Variants in SEC24D observed in about 807,000 individuals in gnomAD.
SEC24D encodes protein transport protein Sec24D.
Under a neutral mutation model 116.9 loss-of-function variants are expected in SEC24D, and 69 were observed. That is an observed-to-expected ratio of 0.59 (90% CI 0.49 to 0.72). The LOEUF is 0.72. Among genes scored for constraint, SEC24D ranks in the 30% least tolerant of loss-of-function variants. The probability of loss-of-function intolerance (pLI) is 0.00; values close to 1 mark genes in which losing one functional copy is unlikely to be tolerated. For missense variants in SEC24D, 1,131 were observed against 1,264.1 expected (o/e 0.89, Z 1.60); for synonymous variants, 405 against 442.8 (o/e 0.91, Z 1.07).
intron 8 of SEC24D, among the ~76,000 whole-genome samples, chr4:118,780,907 CTTTTTTTTTTT>C (rs143712578): frequency 3.2e-5 from 2 of 61,834 alleles, no homozygotes; most frequent in African/African-American, 6.1e-5. Context: ...GCAACCCCTG[CTTTTTTTTTTT>C]TTTTTTTTTT....
chr4:118,804,893 CA>C (rs1448125733), intron 7 of SEC24D, among the ~76,000 whole-genome samples: 9 of 133,234 alleles, frequency 6.8e-5, no homozygotes, highest in African/African-American at 2.5e-4. Flanking sequence ...CATACACACA[CA>C]CACACACACA....
At chr4:118,793,253 G>A (rs935564672) in intron 8 of SEC24D, among the ~76,000 whole-genome samples, 18 of 151,842 alleles carry the variant, frequency 1.2e-4, no homozygotes, top group Non-Finnish European at 2.1e-4. Flanking sequence ...GGATCACGAG[G>A]TCAGGAGATA....
chr4:118,764,636 T>C (rs1333136290), intron 10 of SEC24D, 166 bp downstream of exon 10: 3 of 511,418 alleles, frequency 5.9e-6, no homozygotes, highest in African/African-American at 5.8e-5. Context: ...AGTTGAATCA[T>C]GTTAACAACC....
intron 19 of SEC24D, among the ~76,000 whole-genome samples, chr4:118,737,526 CAATG>C (rs1165134681): frequency 2.0e-5 from 3 of 152,106 alleles, no homozygotes; most frequent in African/African-American, 7.2e-5. Context: ...TCACTTTTGA[CAATG>C]AATGAACTAG....
At chr4:118,801,764 T>C (rs1163488696) in intron 7 of SEC24D, among the ~76,000 whole-genome samples, 2 of 152,168 alleles carry the variant, frequency 1.3e-5, no homozygotes, top group Non-Finnish European at 2.9e-5. Flanking sequence ...AAATGCTTCG[T>C]ATAGGAAGAT....
intron 8 of SEC24D, among the ~76,000 whole-genome samples, chr4:118,785,639 G>A (rs1372131772): frequency 6.6e-6 from 1 of 152,132 alleles, no homozygotes; most frequent in African/African-American, 2.4e-5. Flanking sequence ...TTATGGTGAT[G>A]CTTATAATTT....
At chr4:118,766,964 G>A (rs1372451846) in intron 9 of SEC24D, 1 of 151,944 alleles carries the variant, frequency 6.6e-6, no homozygotes, top group Non-Finnish European at 1.5e-5. Flanking sequence ...AGTGAGGGTA[G>A]AGAACTAACA....
intron 3 of SEC24D, among the ~76,000 whole-genome samples, chr4:118,820,526 T>C (rs2110530823): frequency 6.6e-6 from 1 of 152,332 alleles, no homozygotes; most frequent in African/African-American, 2.4e-5. Context: ...TAGCATGTTG[T>C]ACAAAGCTGA....
chr4:118,734,281 T>G (rs1725846052), intron 19 of SEC24D, among the ~76,000 whole-genome samples: 1 of 151,784 alleles, frequency 6.6e-6, no homozygotes, highest in Non-Finnish European at 1.5e-5. Flanking sequence ...CGGCGCAATC[T>G]CGGGTCACTG....
chr4:118,808,081 C>T (rs1729750559), intron 6 of SEC24D, among the ~76,000 whole-genome samples: 1 of 152,176 alleles, frequency 6.6e-6, no homozygotes, highest in Non-Finnish European at 1.5e-5. Flanking sequence ...TTGCCTCAGC[C>T]TCCCAAGTAA....
intron 13 of SEC24D, among the ~76,000 whole-genome samples, chr4:118,747,236 ATGAC>A (rs1560630166): frequency 1.3e-5 from 2 of 149,492 alleles, no homozygotes; most frequent in African/African-American, 4.9e-5. Flanking sequence ...CTGAAATTCT[ATGAC>A]TGTGAATTTA....
intron 7 of SEC24D, among the ~76,000 whole-genome samples, chr4:118,801,970 T>C (rs1183520983): frequency 6.6e-6 from 1 of 152,230 alleles, no homozygotes; most frequent in Non-Finnish European, 1.5e-5. Context: ...ATAAATTCAT[T>C]CCACAAACAT....
chr4:118,791,789 G>T (rs1209123452), intron 8 of SEC24D, among the ~76,000 whole-genome samples: 2 of 152,208 alleles, frequency 1.3e-5, no homozygotes, highest in Non-Finnish European at 2.9e-5. Context: ...GCCTCCCAAA[G>T]TGCCGGGATT....
chr4:118,790,918 A>G lies in SEC24D; in HGVS notation c.1041+6765T>C, dbSNP rs1380661817. ...ATAAGCAAACAAAACATAAAATTTT[A>G]CTAACACTGAAATAAATCATTTATA... On this transcript the variant is annotated intron_variant, in intron 8 of 22. Transcript: ENST00000280551. Among the ~76,000 whole-genome samples, 3 of 149,818 alleles carry G rather than the reference A, an allele frequency of 2.0e-5. No individual in the cohort carries two copies. The Admixed American group carries it at 2.0e-4, about 10-fold the overall frequency.
Position 118,815,634 on chromosome 4 carries a change from A to C in SEC24D, c.490T>G (p.Leu164Val). 6.2e-7 allele frequency: 1 copy of C among 1,614,166 alleles called. No homozygotes were observed. Among genetic ancestry groups the C allele is most frequent in the Non-Finnish European group, 8.5e-7 (1 of 1,180,028 alleles). Residue 164 changes from leucine to valine, a missense_variant, in exon 5 of 23, where the codon TTG (leucine) becomes GTG (valine). Leu to Val is a conservative substitution (Grantham distance 32, BLOSUM62 1). Coordinates refer to ENST00000280551, the MANE Select transcript of SEC24D (RefSeq NM_014822.4). ...GGAAGAACTTGAGATCCAGGCTGCA[A>C]AATGGAAGGCTGTGGAGGTCGTGGA... ...TPPRPPQPSI[L>V]QPGSQVLPPP... is the part of the protein sequence containing the mutation.
chr4:118,779,087 G>A (rs1450344622), intron 8 of SEC24D, among the ~76,000 whole-genome samples: 2 of 151,922 alleles, frequency 1.3e-5, no homozygotes, highest in African/African-American at 2.4e-5. Context: ...AATTAAATAC[G>A]CTTTATTTCT....
At position 118,731,334 on chromosome 4, in the gene SEC24D, T is replaced by C. The variant is rs146754256; in HGVS notation, c.2850A>G (p.Ala950=). Residue 950 remains alanine, a synonymous_variant, in exon 21 of 23, where the codon GCA becomes GCG. Transcript: ENST00000280551. The stretch of plus-strand genomic sequence containing the variant: ...TACTTACCATATCTGTGTTGATATG[T>C]GCAAAAGATGGCACATTAAATATTC... The part of the protein sequence containing the change: ...IQGIFNVPSF[A]HINTDMTLLP... The C allele has an allele frequency of 3.2e-4, 521 of 1,613,712 alleles. 1 individual carries two copies. The highest frequency in any genetic ancestry group is 4.2e-4 in the Non-Finnish European group (497 of 1,179,680).
At chr4:118,830,873 T>C (rs1332919646) in intron 2 of SEC24D, among the ~76,000 whole-genome samples, 4 of 152,158 alleles carry the variant, frequency 2.6e-5, no homozygotes, top group African/African-American at 9.7e-5. Flanking sequence ...TACAAGATCA[T>C]TTTAGTAATC....
At chr4:118,725,407 A>C (rs1725358989) in intron 22 of SEC24D, among the ~76,000 whole-genome samples, 1 of 152,172 alleles carries the variant, frequency 6.6e-6, no homozygotes, top group Non-Finnish European at 1.5e-5. Flanking sequence ...CCCACATGCC[A>C]CTACAACTTT....
Sources: allele counts gnomAD v4.1 joint callset (sites outside exome capture counted in the v4.1 genomes callset), GRCh38; gene constraint gnomAD v4.1.1; transcripts MANE v1.5; gene names NCBI Gene and HGNC (gene_info 2026-07-23, HGNC 2026-07-21).